GPC5: variants seen among roughly 807,000 people sequenced by gnomAD.
GPC5 encodes glypican-5.
GPC5 carries 47 observed loss-of-function variants against 53.9 expected under a neutral mutation model. That is an observed-to-expected ratio of 0.87 (90% CI 0.69 to 1.11). GPC5 has a LOEUF of 1.11. GPC5 is among the 50% of genes most tolerant of loss of function. The pLI, the probability that GPC5 is intolerant of heterozygous loss-of-function variation, is 0.00. For missense variants in GPC5, 748 were observed against 713.1 expected (o/e 1.05, Z -0.56); for synonymous variants, 286 against 263.3 (o/e 1.09, Z -0.84).
chr13:92,105,602 A>C (rs1332593441), intron 6 of GPC5, among the ~76,000 whole-genome samples: 1 of 152,048 alleles, frequency 6.6e-6, no homozygotes, highest in Non-Finnish European at 1.5e-5. Flanking sequence ...GTATGTTCTT[A>C]CTTGGTGTTT....
intron 1 of GPC5, among the ~76,000 whole-genome samples, chr13:91,429,543 T>C (rs1374235101): frequency 6.6e-6 from 1 of 152,122 alleles, no homozygotes; most frequent in Non-Finnish European, 1.5e-5. Context: ...GGAAAGATGA[T>C]AGAATGTTTA....
chr13:91,984,876 T>C (rs2040392403), intron 6 of GPC5, among the ~76,000 whole-genome samples: 1 of 152,224 alleles, frequency 6.6e-6, no homozygotes, highest in South Asian at 2.1e-4. Context: ...TTTTGAGATT[T>C]GCTTTATGGT....
chr13:92,599,686 C>T (rs537806650), intron 7 of GPC5, among the ~76,000 whole-genome samples: 3 of 152,078 alleles, frequency 2.0e-5, no homozygotes, highest in South Asian at 2.1e-4. Flanking sequence ...TGCTGATAAG[C>T]GGTTGAAGGA....
chr13:92,623,097 C>G (rs1377293337), intron 7 of GPC5, among the ~76,000 whole-genome samples: 1 of 150,572 alleles, frequency 6.6e-6, no homozygotes, highest in South Asian at 2.1e-4. Flanking sequence ...GCCTGGGAGG[C>G]GGGGGTTGCA....
intron 7 of GPC5, among the ~76,000 whole-genome samples, chr13:92,445,843 T>C (rs9561048): frequency 0.17 from 25,601 of 152,044 alleles, 2,515 homozygotes; most frequent in East Asian, 0.48. Flanking sequence ...AATGCCAAGA[T>C]CATAGCTCAC....
chr13:92,415,756 G>C (rs1174505143), intron 7 of GPC5, among the ~76,000 whole-genome samples: 1 of 152,058 alleles, frequency 6.6e-6, no homozygotes, highest in African/African-American at 2.4e-5. Flanking sequence ...GACTGGATGA[G>C]GAGAACCTAT....
chr13:91,928,292 A>G (rs751165737), intron 6 of GPC5, among the ~76,000 whole-genome samples: 1 of 152,196 alleles, frequency 6.6e-6, no homozygotes, highest in Admixed American at 6.5e-5. Flanking sequence ...ATTAATGAGT[A>G]TTCTCTCTAC....
intron 7 of GPC5, among the ~76,000 whole-genome samples, chr13:92,696,912 A>G (rs1220838842): frequency 1.3e-5 from 2 of 152,198 alleles, no homozygotes; most frequent in African/African-American, 2.4e-5. Flanking sequence ...AGCTTTCTGC[A>G]TATGGCTAGC....
In GPC5 at chr13:92,534,398, C is replaced by A. The variant is rs569617841; in HGVS notation, c.1562-331884C>A. ...ATACTTCTGCACCAAGTAAGAACAG[C>A]GACAAAACAGTTGGGCAAAGGAGGT... is the stretch of plus-strand genomic sequence containing the variant. On this transcript the variant is annotated intron_variant, in intron 7 of 7. Transcript: ENST00000377067. Among the ~76,000 whole-genome samples the A allele has an allele frequency of 5.3e-5, 8 of 152,230 alleles. 1 individual carries two copies. Among genetic ancestry groups the A allele is most frequent in the African/African-American group, 1.9e-4 (8 of 41,528 alleles).
chr13:92,795,431 C>A (rs774151503), intron 7 of GPC5, among the ~76,000 whole-genome samples: 1 of 152,090 alleles, frequency 6.6e-6, no homozygotes, highest in Non-Finnish European at 1.5e-5. Flanking sequence ...CATAAAAACC[C>A]TAAAAGAAAA....
chr13:91,967,669 C>T (rs2040193651), intron 6 of GPC5, among the ~76,000 whole-genome samples: 1 of 151,784 alleles, frequency 6.6e-6, no homozygotes, highest in Non-Finnish European at 1.5e-5. Context: ...GGTAGAAGAG[C>T]ATTTCATAAT....
chr13:91,435,940 A>C (rs1025714392), intron 1 of GPC5, among the ~76,000 whole-genome samples: 10 of 152,144 alleles, frequency 6.6e-5, no homozygotes, highest in Non-Finnish European at 1.5e-4. Context: ...CGAGGAATTT[A>C]TCCATTTCTT....
intron 7 of GPC5, among the ~76,000 whole-genome samples, chr13:92,572,834 G>C (rs1465060572): frequency 6.6e-6 from 1 of 151,970 alleles, no homozygotes; most frequent in Non-Finnish European, 1.5e-5. Context: ...TTTTACTAGG[G>C]GGATTGCAGT....
intron 2 of GPC5, among the ~76,000 whole-genome samples, chr13:91,515,167 C>CT (rs1885428348): frequency 6.6e-6 from 1 of 152,148 alleles, no homozygotes; most frequent in African/African-American, 2.4e-5. Flanking sequence ...ATTGAGACTT[C>CT]TTAGAGTCGC....
intron 7 of GPC5, among the ~76,000 whole-genome samples, chr13:92,412,999 G>T (rs1055607838): frequency 6.6e-6 from 1 of 152,136 alleles, no homozygotes; most frequent in Non-Finnish European, 1.5e-5. Context: ...AATATGATTT[G>T]CATTAAACTA....
chr13:91,976,412 C>T (rs2040302471), intron 6 of GPC5, among the ~76,000 whole-genome samples: 1 of 152,116 alleles, frequency 6.6e-6, no homozygotes, highest in African/African-American at 2.4e-5. Flanking sequence ...ATGAGTATTG[C>T]CAGGGAAGAA....
At chr13:92,205,367 C>T (rs1241173021) in intron 7 of GPC5, among the ~76,000 whole-genome samples, 1 of 152,092 alleles carries the variant, frequency 6.6e-6, no homozygotes, top group Non-Finnish European at 1.5e-5. Flanking sequence ...CTCCATCATG[C>T]CCCTCTCTGG....
chr13:91,518,399 G>T (rs1380544123), intron 2 of GPC5, among the ~76,000 whole-genome samples: 1 of 151,812 alleles, frequency 6.6e-6, no homozygotes, highest in East Asian at 1.9e-4. Context: ...ACAAAAGAAA[G>T]AAAATCTAAA....
At chr13:91,828,137 A>G (rs1403880286) in intron 5 of GPC5, among the ~76,000 whole-genome samples, 1 of 152,108 alleles carries the variant, frequency 6.6e-6, no homozygotes, top group Non-Finnish European at 1.5e-5. Flanking sequence ...ACAAATCAGA[A>G]CATTGGTGCT....
Sources: gnomAD v4.1 joint callset for allele counts (sites outside exome capture counted in the v4.1 genomes callset) on GRCh38, gnomAD v4.1.1 for gene constraint, MANE v1.5 for transcripts, NCBI Gene and HGNC (gene_info 2026-07-23, HGNC 2026-07-21) for gene names.